CCNL1: variants seen among roughly 807,000 people sequenced by gnomAD.
CCNL1 encodes cyclin-L1.
A neutral mutation model predicts 60.6 loss-of-function variants in CCNL1; 13 were observed. The ratio of observed to expected loss-of-function variants is 0.21; its 90% CI spans 0.14 to 0.34. The LOEUF is 0.34. Ranked by LOEUF, CCNL1 falls within the 10% of genes least tolerant of loss-of-function variation. The pLI, the probability that CCNL1 is intolerant of heterozygous loss-of-function variation, is 1.00. For synonymous variants in CCNL1, 270 were observed against 244.3 expected, an observed-to-expected ratio of 1.10 and a Z score of -0.98; for missense variants, 481 against 664.3, an observed-to-expected ratio of 0.72 and a Z score of 3.03.
chr3:157,152,743 C>G (rs1368208750), intron 4 of CCNL1: 24 of 1,163,244 alleles, frequency 2.1e-5, no homozygotes, highest in Non-Finnish European at 2.6e-5. Context: ...GAATGAGGAA[C>G]TTTACATCTC....
chr3:157,158,838 A>C (rs764951176), intron 3 of CCNL1, 28 bp downstream of exon 3: 1 of 1,380,642 alleles, frequency 7.2e-7, no homozygotes, highest in East Asian at 2.3e-5. Context: ...GTAGCAAGAG[A>C]TACTATGTTC....
At chr3:157,151,050 A>C in intron 5 of CCNL1, 7 of 985,016 alleles carry the variant, frequency 7.1e-6, no homozygotes, top group Non-Finnish European at 7.2e-6. Flanking sequence ...TAAACTATCA[A>C]AGAAATTTTA....
At position 157,156,397 on chromosome 3, in the gene CCNL1, G is replaced by GT. The variant is rs147573699; in HGVS notation, c.488+2468dup. Among the ~76,000 whole-genome samples, 471 of 152,248 alleles carry GT rather than the reference G, an allele frequency of 3.1e-3. 1 individual carries two copies. The highest frequency in any genetic ancestry group is 0.011 in the African/African-American group (448 of 41,552). On this transcript the variant is annotated intron_variant, in intron 3 of 10. Transcript: ENST00000295926. ...TCTATGGATACACTGAAAATACATTGTATTTACTAATGAGAATGGTTAAAC... is the reference window on the plus strand; with the variant it reads ...TCTATGGATACACTGAAAATACATTGTTATTTACTAATGAGAATGGTTAAAC...
At position 157,147,769 on chromosome 3, in the gene CCNL1, T is replaced by C; in HGVS notation, c.*472A>G. ...CTATTAAAATTTTCCTTTTTAATAA[T>C]TTATTTAAATAAGGTATTTGAAGCA... On this transcript the variant is annotated 3_prime_UTR_variant, in exon 11 of 11. Coordinates refer to ENST00000295926, the MANE Select transcript of CCNL1 (RefSeq NM_020307.4). 2 of 979,030 alleles carry C rather than the reference T, an allele frequency of 2.0e-6. No individual in the cohort carries two copies. The highest frequency in any genetic ancestry group is 2.4e-6 in the Non-Finnish European group (2 of 823,940). The allele number at this position is 979,030 out of a possible 1,614,324, so 60.6% of individuals were successfully genotyped here.
intron 1 of CCNL1, 60 bp downstream of exon 1, chr3:157,159,732 G>A: frequency 7.3e-7 from 1 of 1,374,724 alleles, no homozygotes; most frequent in Non-Finnish European, 9.8e-7. Flanking sequence ...ACTGAGATGC[G>A]GCGTAGGGGA....
rs760436779 is a variant in CCNL1, at chr3:157,159,802, CGGA to C, written c.290_292del (p.Leu97del). ...GGCCGGAGCACTGACCTGCGGCAGC[CGGA>C]GGAGAATGCCGGCGGCCTGGATGAG... On this transcript the variant is annotated inframe_deletion, in exon 1 of 11. Coordinates refer to ENST00000295926, the MANE Select transcript of CCNL1 (RefSeq NM_020307.4). 6.5e-7 allele frequency: 1 copy of C among 1,536,516 alleles called. No homozygotes were observed. Among genetic ancestry groups the C allele is most frequent in the South Asian group, 1.2e-5 (1 of 83,790 alleles).
chr3:157,152,675 C>T (rs1176992362), intron 4 of CCNL1: 1 of 1,094,858 alleles, frequency 9.1e-7, no homozygotes, highest in Non-Finnish European at 1.1e-6. Flanking sequence ...ACACTTAGAA[C>T]ATTCTACTAT....
chr3:157,148,315 G>A lies in CCNL1; in HGVS notation c.1507C>T (p.Arg503Cys), dbSNP rs1737891187. ...CTTTTATGGGACCTCTCAAAGGAGC[G>A]AGATCGTTCACGCCTGTCCCTATGA... ...GHHRDRRERSRSFERSHKSKH... is the reference protein window; with the variant it reads ...GHHRDRRERSCSFERSHKSKH... Residue 503 changes from arginine (R) to cysteine (C), a missense_variant, in exon 11 of 11, where the codon CGC becomes TGC. Physicochemically the swap from Arg to Cys is radical, Grantham distance 180 (BLOSUM62 -3). Transcript: ENST00000295926. 2 of 1,614,196 alleles carry A rather than the reference G, an allele frequency of 1.2e-6. No homozygotes were observed. Among genetic ancestry groups the A allele is most frequent in the Non-Finnish European group, 1.7e-6 (2 of 1,180,032 alleles).
chr3:157,144,867 ATTG>A, downstream of CCNL1, among the ~76,000 whole-genome samples: 1 of 151,734 alleles, frequency 6.6e-6, no homozygotes, highest in African/African-American at 2.4e-5. Context: ...AGAACAAATG[ATTG>A]TTATGATATT....
At position 157,160,132 on chromosome 3, in the gene CCNL1, A is replaced by C. The variant is rs2108145984; in HGVS notation, c.-38T>G. On this transcript the variant is annotated 5_prime_UTR_variant, in exon 1 of 11. Coordinates refer to ENST00000295926, the MANE Select transcript of CCNL1 (RefSeq NM_020307.4). ...CCGCACGCAAGCCCAACGCAGCCGG[A>C]ACCCGAAACAAGACTAACCAGCGTT... 6.6e-7 allele frequency: 1 copy of C among 1,524,286 alleles called. No homozygotes were observed. The highest frequency in any genetic ancestry group is 8.8e-7 in the Non-Finnish European group (1 of 1,134,010). The allele number at this position is 1,524,286 out of a possible 1,614,324, so 94.4% of individuals were successfully genotyped here. A position where few individuals can be genotyped will look rare whatever the true frequency, so the allele number is the denominator to read the frequency against.
At chr3:157,146,448 A>G (rs1464157081), downstream of CCNL1, 7 of 422,286 alleles carry the variant, frequency 1.7e-5, no homozygotes, top group African/African-American at 1.5e-4. Flanking sequence ...CCATCTTCAC[A>G]AACAACCCTC....
intron 3 of CCNL1, among the ~76,000 whole-genome samples, chr3:157,156,480 C>T (rs920464357): frequency 6.6e-6 from 1 of 152,068 alleles, no homozygotes; most frequent in Non-Finnish European, 1.5e-5. Flanking sequence ...GAAACTAGAA[C>T]AATGAAAAAG....
chr3:157,159,924 A>T lies in CCNL1; in HGVS notation c.171T>A (p.Ser57=), dbSNP rs1319814945. The change falls in exon 1 of 11, where the codon TCT becomes TCA. Residue 57 remains serine, a synonymous_variant. Transcript: ENST00000295926. ...YSEVSLTIDH[S]LIPEERLSPT... ...GCGAGAGCCTCTCCTCCGGAATCAG[A>T]GAGTGGTCGATGGTAAGTGAAACTT... 1 of 1,606,840 alleles carries T rather than the reference A, an allele frequency of 6.2e-7. No homozygotes were observed. Among genetic ancestry groups the T allele is most frequent in the East Asian group, 2.2e-5 (1 of 44,528 alleles).
rs1320640755 is a variant in CCNL1 at position 157,147,581 on chromosome 3, T to C, written c.*660A>G. The stretch of plus-strand genomic sequence containing the variant: ...TTTGGTTTAGTGCTAAAATATAACA[T>C]TTAATGTCACATTGTTGGGCGACTC... On this transcript the variant is annotated 3_prime_UTR_variant, in exon 11 of 11. Transcript: ENST00000295926. 4 of 985,276 alleles carry C rather than the reference T, an allele frequency of 4.1e-6. No homozygotes were observed. The highest frequency in any genetic ancestry group is 9.4e-5 in the South Asian group (2 of 21,296). The allele number at this position is 985,276 out of a possible 1,614,324, so 61.0% of individuals were successfully genotyped here.
chr3:157,158,788 G>A (rs997056273), intron 3 of CCNL1, 78 bp downstream of exon 3: 3 of 897,130 alleles, frequency 3.3e-6, no homozygotes, highest in Non-Finnish European at 3.5e-6. Context: ...CACTTGAAAG[G>A]AAAGATGTTT....
At chr3:157,149,783 T>TA (rs1738030601) in intron 8 of CCNL1, 53 bp downstream of exon 8, 1 of 1,584,930 alleles carries the variant, frequency 6.3e-7, no homozygotes, top group Admixed American at 1.9e-5. Flanking sequence ...AGCTCTCTAA[T>TA]AAAGACACAC....
chr3:157,144,747 C>A (rs1737732282), downstream of CCNL1, among the ~76,000 whole-genome samples: 2 of 152,192 alleles, frequency 1.3e-5, no homozygotes, highest in Non-Finnish European at 2.9e-5. Flanking sequence ...ATGCATAAGA[C>A]CCTCAATATG....
intron 5 of CCNL1, 98 bp from the exon 6 acceptor site, chr3:157,150,479 T>G: frequency 6.7e-7 from 1 of 1,482,600 alleles, no homozygotes; most frequent in Non-Finnish European, 9.0e-7. Flanking sequence ...TCTTTTTTCT[T>G]CTCTTATTTA....
chr3:157,158,037 C>T (rs1180523075), intron 3 of CCNL1, among the ~76,000 whole-genome samples: 5 of 152,170 alleles, frequency 3.3e-5, no homozygotes. Flanking sequence ...TATTCTACAC[C>T]AAATATATCA....
Sources: gnomAD v4.1 joint callset for allele counts (sites outside exome capture counted in the v4.1 genomes callset) on GRCh38, gnomAD v4.1.1 for gene constraint, MANE v1.5 for transcripts, NCBI Gene and HGNC (gene_info 2026-07-23, HGNC 2026-07-21) for gene names.